Variants in SERGEF observed in about 807,000 individuals in gnomAD.
SERGEF encodes secretion regulating guanine nucleotide exchange factor.
In SERGEF, 51 loss-of-function variants were observed where a neutral mutation model predicts 50.0. The ratio of observed to expected loss-of-function variants is 1.02; its 90% CI spans 0.81 to 1.29. The LOEUF (loss-of-function observed/expected upper bound fraction) is 1.29. Ranked by LOEUF, SERGEF falls within the 50% of genes most tolerant of loss-of-function variation. SERGEF has a pLI of 0.00. For synonymous variants in SERGEF, 205 were observed against 212.4 expected (o/e 0.97, Z 0.30); for missense variants, 521 against 557.0 (o/e 0.94, Z 0.65).
At chr11:17,833,175 G>T (rs1271437706) in intron 10 of SERGEF, among the ~76,000 whole-genome samples, 1 of 152,158 alleles carries the variant, frequency 6.6e-6, no homozygotes, top group African/African-American at 2.4e-5. Context: ...TGGGAGCAGG[G>T]TCCCTGTGCT....
At chr11:17,840,025 C>T (rs1590147967) in intron 10 of SERGEF, among the ~76,000 whole-genome samples, 2 of 152,278 alleles carry the variant, frequency 1.3e-5, no homozygotes, top group Admixed American at 6.5e-5. Context: ...CTTAAAGCTG[C>T]GATTCTCAGT....
chr11:17,926,139 T>C (rs1422662485), intron 9 of SERGEF, among the ~76,000 whole-genome samples: 1 of 152,222 alleles, frequency 6.6e-6, no homozygotes, highest in Non-Finnish European at 1.5e-5. Context: ...TGCAGACAGG[T>C]CTATGGTCTC....
chr11:17,952,955 T>C (rs1852798127), intron 9 of SERGEF, among the ~76,000 whole-genome samples: 1 of 152,162 alleles, frequency 6.6e-6, no homozygotes, highest in South Asian at 2.1e-4. Flanking sequence ...TCTGCTTTCC[T>C]CCTCAAGTTC....
At chr11:17,894,638 T>C (rs1851588612) in intron 9 of SERGEF, among the ~76,000 whole-genome samples, 1 of 152,206 alleles carries the variant, frequency 6.6e-6, no homozygotes, top group African/African-American at 2.4e-5. Context: ...TAGTAGGTCT[T>C]AATGAGATGT....
chr11:17,885,704 T>G (rs1464161520), intron 9 of SERGEF, among the ~76,000 whole-genome samples: 1 of 152,016 alleles, frequency 6.6e-6, no homozygotes, highest in Non-Finnish European at 1.5e-5. Context: ...ATTTTACCAC[T>G]CCTTTCCTAA....
intron 10 of SERGEF, among the ~76,000 whole-genome samples, chr11:17,873,661 TGGAGGA>T (rs145195114): frequency 6.9e-4 from 103 of 148,240 alleles, no homozygotes; most frequent in African/African-American, 7.7e-4. Context: ...TGGCTCTGCT[TGGAGGA>T]GGAGGAGGAG....
intron 9 of SERGEF, among the ~76,000 whole-genome samples, chr11:17,953,805 G>C (rs906022800): frequency 3.9e-5 from 6 of 152,196 alleles, no homozygotes; most frequent in African/African-American, 7.2e-5. Context: ...TAAGAAAATA[G>C]TGGGTGGTAG....
In SERGEF at chr11:17,806,914, C is replaced by A. The variant is rs115609243; in HGVS notation, c.1049-18501G>T. The stretch of plus-strand genomic sequence containing the variant: ...CCATCTACACACTCTATTTACCACC[C>A]CACCCCTGAGCCAGGACTTTGTTCA... On this transcript the variant is annotated intron_variant, in intron 10 of 10. Transcript: ENST00000265965. 2.9e-3 allele frequency among the ~76,000 whole-genome samples: 447 copies of A among 152,230 alleles called. 2 individuals are homozygous for A. Among genetic ancestry groups the A allele is most frequent in the African/African-American group, 1.0e-2 (415 of 41,536 alleles).
intron 10 of SERGEF, among the ~76,000 whole-genome samples, chr11:17,830,645 G>GGAGGGAGAGA (rs1446830034): frequency 2.6e-4 from 5 of 19,382 alleles, no homozygotes; most frequent in African/African-American, 1.1e-3. Context: ...GGAGGGAGAG[G>GGAGGGAGAGA]GAGGGAGAGA....
At chr11:17,822,285 C>T (rs1351990873) in intron 10 of SERGEF, among the ~76,000 whole-genome samples, 2 of 152,178 alleles carry the variant, frequency 1.3e-5, no homozygotes, top group African/African-American at 4.8e-5. Context: ...ATACATATCC[C>T]AGGCAGCACT....
intron 8 of SERGEF, among the ~76,000 whole-genome samples, chr11:17,976,308 C>T (rs567763748): frequency 2.0e-5 from 3 of 152,032 alleles, no homozygotes; most frequent in South Asian, 2.1e-4. Context: ...ATTTTTGAGA[C>T]GGAGACTCAC....
chr11:18,010,433 T>A (rs1854172178), intron 1 of SERGEF: 1 of 159,500 alleles, frequency 6.3e-6, no homozygotes, highest in South Asian at 1.8e-4. Context: ...AAACTAAGGC[T>A]CAGAGAGGTT....
intron 10 of SERGEF, among the ~76,000 whole-genome samples, chr11:17,845,444 G>C (rs1170092235): frequency 2.0e-5 from 3 of 152,186 alleles, no homozygotes; most frequent in African/African-American, 7.2e-5. Flanking sequence ...CACAGCAGCA[G>C]TGCTGAGTGA....
intron 8 of SERGEF, among the ~76,000 whole-genome samples, chr11:17,988,278 T>C (rs1285077127): frequency 2.0e-5 from 3 of 152,224 alleles, no homozygotes; most frequent in African/African-American, 7.2e-5. Context: ...CAAATAGCTA[T>C]GACAAAGTAA....
chr11:17,920,928 T>C (rs1279656014), intron 9 of SERGEF, among the ~76,000 whole-genome samples: 1 of 152,218 alleles, frequency 6.6e-6, no homozygotes, highest in African/African-American at 2.4e-5. Flanking sequence ...GCCTAGATTG[T>C]CAAATTACAA....
chr11:18,001,465 C>T (rs553848426), intron 4 of SERGEF, among the ~76,000 whole-genome samples: 83 of 152,120 alleles, frequency 5.5e-4, no homozygotes, highest in Non-Finnish European at 5.9e-4. Flanking sequence ...TCTGAAAAGT[C>T]CAATAGAAAG....
In SERGEF at chr11:17,902,984, G is replaced by A. The variant is rs981959506; in HGVS notation, c.1012-24740C>T. Among the ~76,000 whole-genome samples, 6 of 152,328 alleles carry A rather than the reference G, an allele frequency of 3.9e-5. 1 individual carries two copies. Among genetic ancestry groups the A allele is most frequent in the Admixed American group, 3.9e-4 (6 of 15,292 alleles). ...TGCAAAGAGAATCCAGAGAGTTGAT[G>A]CCTTTTCCAAATTAAGAGTTGGCTT... is the stretch of plus-strand genomic sequence containing the variant. On this transcript the variant is annotated intron_variant, in intron 9 of 10. Transcript: ENST00000265965.
chr11:17,805,705 A>G (rs1229105818), intron 10 of SERGEF, among the ~76,000 whole-genome samples: 1 of 152,196 alleles, frequency 6.6e-6, no homozygotes, highest in African/African-American at 2.4e-5. Flanking sequence ...CATGCAGTGG[A>G]AAGACCACCA....
chr11:17,924,172 G>A (rs1056029424), intron 9 of SERGEF, among the ~76,000 whole-genome samples: 1 of 152,212 alleles, frequency 6.6e-6, no homozygotes, highest in Non-Finnish European at 1.5e-5. Context: ...AGGTAAGAGG[G>A]AGAGAAAAAC....
Sources: allele counts gnomAD v4.1 joint callset (sites outside exome capture counted in the v4.1 genomes callset), GRCh38; gene constraint gnomAD v4.1.1; transcripts MANE v1.5; gene names NCBI Gene and HGNC (gene_info 2026-07-23, HGNC 2026-07-21).